Variants in STXBP5L observed in about 807,000 individuals in gnomAD.
The protein encoded by STXBP5L is syntaxin binding protein 5L, also known as syntaxin-binding protein 5-like.
In STXBP5L, 65 loss-of-function variants were observed where a neutral mutation model predicts 144.5. The observed-to-expected ratio is 0.45, with a 90% CI of 0.37 to 0.55. The LOEUF (loss-of-function observed/expected upper bound fraction) is 0.55, where lower values mean the gene tolerates loss of function less well. STXBP5L is among the 20% of genes least tolerant of loss of function. The pLI is 0.00. For synonymous variants in STXBP5L, 505 were observed against 469.6 expected (o/e 1.08, Z -0.97); for missense variants, 1,298 against 1,405.5 (o/e 0.92, Z 1.22).
chr3:121,414,396 G>A (rs2047187200), intron 24 of STXBP5L, among the ~76,000 whole-genome samples: 1 of 152,150 alleles, frequency 6.6e-6, no homozygotes, highest in Non-Finnish European at 1.5e-5. Context: ...TAAAAATTTT[G>A]TGACCACCCT....
intron 2 of STXBP5L, among the ~76,000 whole-genome samples, chr3:120,920,458 G>A (rs1709307045): frequency 6.6e-6 from 1 of 151,530 alleles, no homozygotes; most frequent in South Asian, 2.1e-4. Context: ...GTATAATTGG[G>A]ATATACGTCA....
At chr3:121,093,583 A>G (rs1015683837) in intron 5 of STXBP5L, among the ~76,000 whole-genome samples, 4 of 152,244 alleles carry the variant, frequency 2.6e-5, no homozygotes, top group Admixed American at 2.6e-4. Flanking sequence ...GTATTCGCTG[A>G]TGGTAGTTTA....
chr3:121,329,655 G>A (rs1387773703), intron 20 of STXBP5L, among the ~76,000 whole-genome samples: 1 of 152,152 alleles, frequency 6.6e-6, no homozygotes, highest in Admixed American at 6.5e-5. Flanking sequence ...GAGGTCAGGA[G>A]TTCAAGACCA....
intron 4 of STXBP5L, among the ~76,000 whole-genome samples, chr3:121,044,155 C>T (rs9840595): frequency 0.099 from 15,093 of 151,996 alleles, 1,180 homozygotes; most frequent in Admixed American, 0.2. Context: ...TCAATATATA[C>T]ATCTTTGAAC....
chr3:121,168,026 T>C (rs1448422514), intron 9 of STXBP5L, among the ~76,000 whole-genome samples: 1 of 152,092 alleles, frequency 6.6e-6, no homozygotes, highest in Non-Finnish European at 1.5e-5. Context: ...CCACTGGTGA[T>C]ACCCAGGCAA....
intron 18 of STXBP5L, among the ~76,000 whole-genome samples, chr3:121,261,685 A>G (rs545986124): frequency 6.6e-6 from 1 of 152,314 alleles, no homozygotes; most frequent in East Asian, 1.9e-4. Flanking sequence ...TCAGGAATGC[A>G]AAAAACAAAA....
intron 5 of STXBP5L, among the ~76,000 whole-genome samples, chr3:121,082,262 T>C (rs1246692313): frequency 6.6e-6 from 1 of 152,154 alleles, no homozygotes; most frequent in Non-Finnish European, 1.5e-5. Flanking sequence ...AGTATGTCTC[T>C]ACATTTACTT....
In STXBP5L at chr3:121,123,169, T is replaced by C. The variant is rs2044547839; in HGVS notation, c.669+1465T>C. Among the ~76,000 whole-genome samples, 5 of 151,652 alleles carry C rather than the reference T, an allele frequency of 3.3e-5. No individual in the cohort carries two copies. The South Asian group carries it at 1.0e-3, about 31-fold the overall frequency. On this transcript the variant is annotated intron_variant, in intron 7 of 26. Transcript: ENST00000471454. ...ATTTGTCAACATCATACCGACAAAATGTTAAACACTAAAAATATTAATTTT... is the reference window on the plus strand; with the variant it reads ...ATTTGTCAACATCATACCGACAAAACGTTAAACACTAAAAATATTAATTTT...
chr3:121,238,390 A>G (rs2049552373), intron 12 of STXBP5L, among the ~76,000 whole-genome samples: 1 of 151,934 alleles, frequency 6.6e-6, no homozygotes, highest in Non-Finnish European at 1.5e-5. Flanking sequence ...AAAAGGGAGA[A>G]CTCATTCACC....
intron 9 of STXBP5L, among the ~76,000 whole-genome samples, chr3:121,189,782 T>G (rs1169929083): frequency 1.3e-5 from 2 of 152,174 alleles, no homozygotes; most frequent in Non-Finnish European, 2.9e-5. Flanking sequence ...TTACATTAAA[T>G]TATACATTTG....
chr3:121,000,671 T>C (rs549166984), intron 3 of STXBP5L, among the ~76,000 whole-genome samples: 10 of 152,358 alleles, frequency 6.6e-5, no homozygotes, highest in African/African-American at 2.2e-4. Context: ...TATGGTCATT[T>C]GGAGGTAAGA....
rs933892190 is a variant in STXBP5L, at chr3:120,940,907, CAT to C, written c.190-14021_190-14020del. Among the ~76,000 whole-genome samples, 103 of 150,464 alleles carry C rather than the reference CAT, an allele frequency of 6.8e-4. 3 individuals carry two copies. Among genetic ancestry groups the C allele is most frequent in the Admixed American group, 4.0e-4 (6 of 15,046 alleles). The stretch of plus-strand genomic sequence containing the variant: ...GTGTTTCTTTGAAGGTATGTTTTAA[CAT>C]ATATATATATAATATTATGAAAGGA... On this transcript the variant is annotated intron_variant, in intron 2 of 26. Coordinates refer to ENST00000471454, the MANE Select transcript of STXBP5L (RefSeq NM_001308330.2).
At chr3:121,189,969 A>G (rs2047572187) in intron 9 of STXBP5L, among the ~76,000 whole-genome samples, 5 of 152,170 alleles carry the variant, frequency 3.3e-5, no homozygotes, top group Admixed American at 3.3e-4. Flanking sequence ...AATCGATTAT[A>G]TCTTTAAGCA....
intron 3 of STXBP5L, among the ~76,000 whole-genome samples, chr3:121,022,164 C>G (rs1945605356): frequency 1.3e-5 from 2 of 151,954 alleles, no homozygotes; most frequent in African/African-American, 2.4e-5. Flanking sequence ...ACTAGAAAAC[C>G]TAGAGGAGAT....
At chr3:120,964,084 T>C (rs1939237713) in intron 3 of STXBP5L, among the ~76,000 whole-genome samples, 2 of 152,234 alleles carry the variant, frequency 1.3e-5, no homozygotes, top group South Asian at 4.1e-4. Flanking sequence ...TATTTTCTGA[T>C]GGTAGTTTGT....
intron 6 of STXBP5L, 103 bp downstream of exon 6, chr3:121,115,162 A>G: frequency 1.7e-6 from 2 of 1,156,788 alleles, no homozygotes; most frequent in Non-Finnish European, 2.4e-6. Context: ...TTACTAATTT[A>G]TAATGAATTT....
intron 5 of STXBP5L, among the ~76,000 whole-genome samples, chr3:121,066,854 TG>T (rs2041573614): frequency 6.6e-6 from 1 of 152,130 alleles, no homozygotes; most frequent in Non-Finnish European, 1.5e-5. Flanking sequence ...GTTTTCTATG[TG>T]GGGCAATTTT....
chr3:120,952,975 TTC>T (rs1300292123), intron 2 of STXBP5L, among the ~76,000 whole-genome samples: 4 of 151,384 alleles, frequency 2.6e-5, no homozygotes, highest in African/African-American at 4.8e-5. Context: ...ATTTTTTTTT[TTC>T]TTAATAGAGA....
At chr3:121,079,664 T>C (rs1042396902) in intron 5 of STXBP5L, among the ~76,000 whole-genome samples, 1 of 152,222 alleles carries the variant, frequency 6.6e-6, no homozygotes, top group Non-Finnish European at 1.5e-5. Context: ...TGATTTCCAG[T>C]TTTATTGCAT....
Sources: allele counts gnomAD v4.1 joint callset (sites outside exome capture counted in the v4.1 genomes callset), GRCh38; gene constraint gnomAD v4.1.1; transcripts MANE v1.5; gene names NCBI Gene and HGNC (gene_info 2026-07-23, HGNC 2026-07-21).